Variants in SPOCK1 observed in about 807,000 individuals in gnomAD.
The protein encoded by SPOCK1 is testican-1.
A neutral mutation model predicts 55.3 loss-of-function variants in SPOCK1; 23 were observed. That is an observed-to-expected ratio of 0.42 (90% CI 0.30 to 0.59). The LOEUF (loss-of-function observed/expected upper bound fraction) is 0.59. Among genes scored for constraint, SPOCK1 ranks in the 20% least tolerant of loss-of-function variants. The probability of loss-of-function intolerance (pLI) is 0.22; values close to 1 mark genes in which losing one functional copy is unlikely to be tolerated. For synonymous variants in SPOCK1, 226 were observed against 221.0 expected, an observed-to-expected ratio of 1.02 and a Z score of -0.20; for missense variants, 499 against 552.5, an observed-to-expected ratio of 0.90 and a Z score of 0.97.
intron 2 of SPOCK1, among the ~76,000 whole-genome samples, chr5:137,406,226 C>T (rs1157353626): frequency 6.6e-6 from 1 of 152,174 alleles, no homozygotes; most frequent in Non-Finnish European, 1.5e-5. Flanking sequence ...CCTAGGGACA[C>T]ATAAAAGTGG....
chr5:137,423,439 G>A (rs1752543995), intron 2 of SPOCK1, among the ~76,000 whole-genome samples: 2 of 152,174 alleles, frequency 1.3e-5, no homozygotes, highest in Non-Finnish European at 2.9e-5. Context: ...CACCCAGTTC[G>A]AGCTTCCTGG....
intron 5 of SPOCK1, among the ~76,000 whole-genome samples, chr5:137,073,336 C>T (rs1426716019): frequency 6.6e-6 from 1 of 152,148 alleles, no homozygotes. Flanking sequence ...AGTAAATCTT[C>T]TGGAAAGATG....
At chr5:137,497,511 TGAA>T (rs1368446045) in intron 2 of SPOCK1, among the ~76,000 whole-genome samples, 1 of 152,182 alleles carries the variant, frequency 6.6e-6, no homozygotes, top group African/African-American at 2.4e-5. Context: ...GGGCAGTCCT[TGAA>T]GAAGCTGGCA....
At chr5:137,318,934 C>A (rs1206982355) in intron 2 of SPOCK1, among the ~76,000 whole-genome samples, 6 of 152,192 alleles carry the variant, frequency 3.9e-5, no homozygotes, top group Admixed American at 3.9e-4. Context: ...CATTCACAGA[C>A]TTGCTCAGTG....
At chr5:137,345,923 A>G (rs1750545642) in intron 2 of SPOCK1, among the ~76,000 whole-genome samples, 1 of 152,232 alleles carries the variant, frequency 6.6e-6, no homozygotes, top group Non-Finnish European at 1.5e-5. Context: ...ACCAAAGAGC[A>G]CTGATCTCTG....
intron 3 of SPOCK1, among the ~76,000 whole-genome samples, chr5:137,251,782 T>C (rs1228904292): frequency 6.6e-6 from 1 of 152,116 alleles, no homozygotes; most frequent in Non-Finnish European, 1.5e-5. Context: ...AAAAGTAAAT[T>C]CCTCATACCC....
chr5:137,078,807 G>T (rs1243392000), intron 5 of SPOCK1, among the ~76,000 whole-genome samples: 2 of 152,082 alleles, frequency 1.3e-5, no homozygotes, highest in South Asian at 2.1e-4. Context: ...TCCTCCAATA[G>T]CTTCTCCATG....
At chr5:137,356,838 T>TATATATATATAGAGAGAGAGAG (rs1554077335) in intron 2 of SPOCK1, among the ~76,000 whole-genome samples, 1 of 5,458 alleles carries the variant, frequency 1.8e-4, no homozygotes, top group Non-Finnish European at 3.1e-4. Flanking sequence ...TATATATATA[T>TATATATATATAGAGAGAGAGAG]AGAGAGAGAG....
At chr5:137,110,519 C>T (rs936698557) in intron 5 of SPOCK1, among the ~76,000 whole-genome samples, 2 of 152,204 alleles carry the variant, frequency 1.3e-5, no homozygotes, top group African/African-American at 4.8e-5. Context: ...TCAGTGTCCC[C>T]TTTAAATCCA....
intron 3 of SPOCK1, among the ~76,000 whole-genome samples, chr5:137,264,331 C>CA (rs1756805661): frequency 6.6e-6 from 1 of 152,206 alleles, no homozygotes; most frequent in African/African-American, 2.4e-5. Flanking sequence ...TATGGCACCC[C>CA]ACTGCCAAGA....
chr5:137,077,307 G>A (rs1580738634), intron 5 of SPOCK1, among the ~76,000 whole-genome samples: 1 of 152,228 alleles, frequency 6.6e-6, no homozygotes. Context: ...TTCTACAACA[G>A]TGAGGGGTTT....
At chr5:137,366,429 T>A (rs1751064591) in intron 2 of SPOCK1, among the ~76,000 whole-genome samples, 1 of 152,138 alleles carries the variant, frequency 6.6e-6, no homozygotes, top group African/African-American at 2.4e-5. Context: ...AGGAGGCAAG[T>A]GTTATCTTCA....
chr5:137,455,329 CA>C (rs1753341295), intron 2 of SPOCK1, among the ~76,000 whole-genome samples: 1 of 152,164 alleles, frequency 6.6e-6, no homozygotes, highest in South Asian at 2.1e-4. Context: ...AGTAACTCAT[CA>C]AGAAGGAAAG....
intron 4 of SPOCK1, among the ~76,000 whole-genome samples, chr5:137,115,573 T>A (rs1031548494): frequency 2.6e-5 from 4 of 152,184 alleles, no homozygotes; most frequent in African/African-American, 9.7e-5. Context: ...TTATGAATTA[T>A]GCTCAGGTAA....
chr5:137,093,138 T>C (rs1228037988), intron 5 of SPOCK1, among the ~76,000 whole-genome samples: 1 of 152,134 alleles, frequency 6.6e-6, no homozygotes, highest in African/African-American at 2.4e-5. Flanking sequence ...ATCTGCCACA[T>C]TGGGGATTAA....
intron 4 of SPOCK1, among the ~76,000 whole-genome samples, chr5:137,121,491 T>A (rs1043246892): frequency 1.3e-5 from 2 of 151,196 alleles, no homozygotes; most frequent in African/African-American, 4.8e-5. Flanking sequence ...TCTCTGGTGA[T>A]TCACACACTT....
chr5:137,016,056 G>C (rs989501810), intron 6 of SPOCK1, among the ~76,000 whole-genome samples: 8 of 152,184 alleles, frequency 5.3e-5, no homozygotes, highest in African/African-American at 1.9e-4. Context: ...CAACTTCACT[G>C]CAGAAGAAGG....
intron 2 of SPOCK1, among the ~76,000 whole-genome samples, chr5:137,419,866 C>A (rs1209069975): frequency 6.6e-6 from 1 of 152,184 alleles, no homozygotes; most frequent in African/African-American, 2.4e-5. Flanking sequence ...GAGAGGGCAT[C>A]CCTGTCTTGT....
chr5:137,323,069 C>T (rs953959914), intron 2 of SPOCK1, among the ~76,000 whole-genome samples: 1 of 152,198 alleles, frequency 6.6e-6, no homozygotes, highest in African/African-American at 2.4e-5. Context: ...CTAATCACCT[C>T]TCATTAGGCC....
Sources: gnomAD v4.1 joint callset for allele counts (sites outside exome capture counted in the v4.1 genomes callset) on GRCh38, gnomAD v4.1.1 for gene constraint, MANE v1.5 for transcripts, NCBI Gene and HGNC (gene_info 2026-07-23, HGNC 2026-07-21) for gene names.